TNR: variants seen among roughly 807,000 people sequenced by gnomAD.
TNR encodes the protein tenascin-R.
A neutral mutation model predicts 150.4 loss-of-function variants in TNR; 45 were observed. The observed-to-expected ratio is 0.30, with a 90% CI of 0.24 to 0.38. The LOEUF is 0.38. TNR is among the 10% of genes least tolerant of loss of function. TNR has a pLI of 1.00. For missense variants in TNR, 1,544 were observed against 1,759.1 expected (o/e 0.88, Z 2.19); for synonymous variants, 687 against 678.4 (o/e 1.01, Z -0.20).
chr1:175,397,312 T>A (rs573561533), intron 4 of TNR, among the ~76,000 whole-genome samples: 268 of 152,346 alleles, frequency 1.8e-3, no homozygotes, highest in Non-Finnish European at 3.0e-3. Flanking sequence ...TTTACTGACG[T>A]CATGTTGGTA....
intron 1 of TNR, among the ~76,000 whole-genome samples, chr1:175,592,487 T>C (rs777984167): frequency 6.6e-6 from 1 of 151,222 alleles, no homozygotes; most frequent in Non-Finnish European, 1.5e-5. Flanking sequence ...GGAGCCTGAC[T>C]GAGGGACCCC....
At chr1:175,326,748 ATC>A (rs2101980645) in intron 21 of TNR, among the ~76,000 whole-genome samples, 1 of 152,148 alleles carries the variant, frequency 6.6e-6, no homozygotes, top group South Asian at 2.1e-4. Flanking sequence ...GTTCACTGCA[ATC>A]TCTGCCTCCC....
At position 175,354,511 on chromosome 1, in the gene TNR, C is replaced by G. The variant is rs752049394; in HGVS notation, c.3262G>C (p.Asp1088His). 8.7e-6 allele frequency: 14 copies of G among 1,613,954 alleles called. No individual in the cohort carries two copies. The highest frequency in any genetic ancestry group is 1.2e-5 in the Non-Finnish European group (14 of 1,179,986). ...AGTCGAATCCAGGTGTCTTCTGCAT[C>G]CACAATCAGCTCCTGTATAATGAGC... ...TDGSRKELIV[D>H]AEDTWIRLEG... Residue 1088 changes from aspartate to histidine, a missense_variant, in exon 18 of 23, where the codon GAT (aspartate) becomes CAT (histidine). Physicochemically the swap from Asp to His is moderately conservative, Grantham distance 81. Coordinates refer to ENST00000367674, the MANE Select transcript of TNR (RefSeq NM_003285.3).
intron 1 of TNR, among the ~76,000 whole-genome samples, chr1:175,714,732 C>A (rs749094293): frequency 6.6e-6 from 1 of 152,182 alleles, no homozygotes; most frequent in Non-Finnish European, 1.5e-5. Flanking sequence ...TCATCAGGGC[C>A]TCAACTGTAA....
intron 1 of TNR, among the ~76,000 whole-genome samples, chr1:175,668,396 A>G (rs182429890): frequency 4.1e-4 from 62 of 152,182 alleles, no homozygotes; most frequent in African/African-American, 1.5e-3. Context: ...GTTTCCTGCC[A>G]ACTGCTGTGT....
intron 8 of TNR, among the ~76,000 whole-genome samples, chr1:175,385,499 C>T (rs193192951): frequency 1.2e-4 from 19 of 152,314 alleles, no homozygotes; most frequent in Admixed American, 5.9e-4. Flanking sequence ...TGCTTACAAA[C>T]GGCAAGGTGA....
At chr1:175,445,164 G>A (rs932747318) in intron 2 of TNR, among the ~76,000 whole-genome samples, 14 of 152,184 alleles carry the variant, frequency 9.2e-5, no homozygotes, top group Admixed American at 8.5e-4. Flanking sequence ...CAGCTACTCG[G>A]GAGGCAGAGG....
chr1:175,406,612 C>T lies in TNR; in HGVS notation c.103G>A (p.Val35Ile), dbSNP rs201240763. The change falls in exon 3 of 23, where the codon GTC (valine) becomes ATC (isoleucine). Residue 35 changes from valine (V) to isoleucine (I), a missense_variant. Transcript: ENST00000367674. ...TGTCTCTGGACCCTTTCTGTGGTGA[C>T]CTCCAGCTGACACTCTGAAGGCTTG... ...MIKPSECQLE[V>I]TTERVQRQSV... The T allele has an allele frequency of 8.1e-5, 131 of 1,614,112 alleles. 1 individual carries two copies. In the Middle Eastern group the frequency reaches 8.2e-4, roughly 10 times the overall value.
At chr1:175,658,579 T>C (rs1473244366) in intron 1 of TNR, among the ~76,000 whole-genome samples, 1 of 152,208 alleles carries the variant, frequency 6.6e-6, no homozygotes, top group Admixed American at 6.5e-5. Flanking sequence ...AAACCTTCTA[T>C]TCTCAAGTGG....
intron 1 of TNR, among the ~76,000 whole-genome samples, chr1:175,541,109 T>C (rs753838550): frequency 2.6e-5 from 4 of 152,182 alleles, no homozygotes; most frequent in South Asian, 2.1e-4. Context: ...TTCTCCAGAA[T>C]TCACCTCCTC....
intron 1 of TNR, among the ~76,000 whole-genome samples, chr1:175,564,972 A>G (rs1661584177): frequency 6.6e-6 from 1 of 152,244 alleles, no homozygotes; most frequent in Non-Finnish European, 1.5e-5. Flanking sequence ...CAGTCTAGTA[A>G]TAAATGGCTA....
At chr1:175,401,004 T>G (rs1040528290) in intron 4 of TNR, among the ~76,000 whole-genome samples, 2 of 152,208 alleles carry the variant, frequency 1.3e-5, no homozygotes, top group Non-Finnish European at 2.9e-5. Context: ...CAACTGTCCT[T>G]CTTCACATGC....
chr1:175,369,803 C>CT (rs1444378161), intron 9 of TNR, among the ~76,000 whole-genome samples: 1 of 152,164 alleles, frequency 6.6e-6, no homozygotes, highest in Non-Finnish European at 1.5e-5. Context: ...AGCAACATTC[C>CT]TTTAACAAAT....
intron 2 of TNR, among the ~76,000 whole-genome samples, chr1:175,491,766 C>T (rs1658265125): frequency 6.6e-6 from 1 of 151,486 alleles, no homozygotes; most frequent in African/African-American, 2.4e-5. Flanking sequence ...TCTCCTGCCT[C>T]AGCCTCCTGA....
chr1:175,390,995 T>C (rs909548160), intron 7 of TNR, among the ~76,000 whole-genome samples: 2 of 152,212 alleles, frequency 1.3e-5, no homozygotes, highest in African/African-American at 4.8e-5. Flanking sequence ...CACCAGAGGC[T>C]GACAAATGAG....
intron 4 of TNR, among the ~76,000 whole-genome samples, chr1:175,400,719 C>T (rs1356540977): frequency 6.6e-6 from 1 of 152,192 alleles, no homozygotes; most frequent in Admixed American, 6.5e-5. Context: ...TTTTCACCTT[C>T]CTAACCCTTC....
intron 1 of TNR, among the ~76,000 whole-genome samples, chr1:175,666,582 C>A (rs1571731144): frequency 6.6e-6 from 1 of 152,234 alleles, no homozygotes; most frequent in Non-Finnish European, 1.5e-5. Flanking sequence ...TGCTGCCAAG[C>A]CCGTCATCAG....
rs1310358918 is a variant in TNR, at chr1:175,593,502, C to A, written c.-164-65133G>T. 2.2e-4 allele frequency among the ~76,000 whole-genome samples: 34 copies of A among 152,130 alleles called. 1 individual carries two copies. The highest frequency in any genetic ancestry group is 2.2e-3 in the Admixed American group (34 of 15,274). On this transcript the variant is annotated intron_variant, in intron 1 of 22. Coordinates refer to ENST00000367674, the MANE Select transcript of TNR (RefSeq NM_003285.3). The stretch of plus-strand genomic sequence containing the variant: ...TCTACCAAGTGGCTTTATGGGCAAG[C>A]AATTCCTGTACAAATAGAATCTAAT...
chr1:175,662,471 G>T (rs1289301978), intron 1 of TNR, among the ~76,000 whole-genome samples: 1 of 152,108 alleles, frequency 6.6e-6, no homozygotes, highest in Non-Finnish European at 1.5e-5. Context: ...TCCCTACTGG[G>T]CCTCCCCTAG....
Sources: gnomAD v4.1 joint callset for allele counts (sites outside exome capture counted in the v4.1 genomes callset) on GRCh38, gnomAD v4.1.1 for gene constraint, MANE v1.5 for transcripts, NCBI Gene and HGNC (gene_info 2026-07-23, HGNC 2026-07-21) for gene names.